The following SHROOM2 variants were observed in gnomAD, a reference collection of about 807,000 sequenced individuals.
The protein encoded by SHROOM2 is protein Shroom2.
In SHROOM2, 33 loss-of-function variants were observed where a neutral mutation model predicts 75.9. The ratio of observed to expected loss-of-function variants is 0.43; its 90% CI spans 0.33 to 0.58. SHROOM2 has a LOEUF of 0.58. SHROOM2 is among the 20% of genes least tolerant of loss of function. SHROOM2 has a pLI of 0.04. For synonymous variants in SHROOM2, 655 were observed against 663.6 expected, an observed-to-expected ratio of 0.99 and a Z score of 0.20; for missense variants, 1,434 against 1,461.2, an observed-to-expected ratio of 0.98 and a Z score of 0.30.
At position 9,900,491 on chromosome X, in the gene SHROOM2, A is replaced by C. The variant is rs1408013015; in HGVS notation, c.2891+2201A>C. On this transcript the variant is annotated intron_variant, in intron 5 of 9. Transcript: ENST00000380913. ...AAATCATATGAAGTGCTGCTCTGATAATCGATGCGTAGCAAAAAGTATGTA... is the reference window on the plus strand; with the variant it reads ...AAATCATATGAAGTGCTGCTCTGATCATCGATGCGTAGCAAAAAGTATGTA... 3.6e-5 allele frequency among the ~76,000 whole-genome samples: 4 copies of C among 112,412 alleles called. No homozygotes were observed. In the East Asian group the frequency reaches 1.1e-3, roughly 31 times the overall value.
chrX:9,946,080 G>T (rs1489650525), intron 9 of SHROOM2, among the ~76,000 whole-genome samples: 1 of 112,904 alleles, frequency 8.9e-6, no homozygotes, highest in Non-Finnish European at 1.9e-5. Context: ...AACTAGCTAG[G>T]TCAGGGTGGC....
intron 8 of SHROOM2, among the ~76,000 whole-genome samples, chrX:9,941,718 T>C (rs2084770456): frequency 1.8e-5 from 2 of 110,353 alleles, no homozygotes; most frequent in African/African-American, 3.3e-5. Flanking sequence ...ACGCTTGTAA[T>C]CCCAGCACTT....
chrX:9,867,709 A>G (rs777769241), intron 1 of SHROOM2, among the ~76,000 whole-genome samples: 3 of 111,787 alleles, frequency 2.7e-5, no homozygotes, highest in Admixed American at 9.5e-5. Context: ...TTTTCTGACT[A>G]CTTTTCCCCA....
rs1433464914 is a variant in SHROOM2 at position 9,873,793 on chromosome X, G to T, written c.307G>T (p.Val103Phe). Residue 103 changes from valine to phenylalanine, a missense_variant, in exon 2 of 10, where the codon GTC becomes TTC. Coordinates refer to ENST00000380913, the MANE Select transcript of SHROOM2 (RefSeq NM_001649.4). ...VKGSHKTLKL[V>F]VKRRSELGWR... The stretch of plus-strand genomic sequence containing the variant: ...GGGGTCCCATAAGACCCTGAAGCTG[G>T]TCGTCAAAAGGTAAGATCTGAGCTT... 1 of 1,211,106 alleles carries T rather than the reference G, an allele frequency of 8.3e-7. No individual in the cohort carries two copies. Among genetic ancestry groups the T allele is most frequent in the Admixed American group, 2.2e-5 (1 of 45,938 alleles).
chrX:9,794,683 T>C (rs1188655030), intron 1 of SHROOM2, among the ~76,000 whole-genome samples: 1 of 112,131 alleles, frequency 8.9e-6, no homozygotes, highest in South Asian at 3.7e-4. Context: ...AACTAGTTTT[T>C]CTTTAACTGA....
intron 1 of SHROOM2, among the ~76,000 whole-genome samples, chrX:9,802,151 T>C (rs1460408082): frequency 2.8e-5 from 3 of 108,653 alleles, no homozygotes; most frequent in Non-Finnish European, 1.9e-5. Flanking sequence ...CAGGCTGGAC[T>C]TGAGCTCCCG....
intron 1 of SHROOM2, among the ~76,000 whole-genome samples, chrX:9,837,001 C>T (rs1053461764): frequency 8.9e-6 from 1 of 112,260 alleles, no homozygotes. Context: ...TTTTTGACTC[C>T]GCATCATATT....
At position 9,803,295 on chromosome X, in the gene SHROOM2, A is replaced by G. The variant is rs372087758; in HGVS notation, c.165+16585A>G. Among the ~76,000 whole-genome samples, 185 of 111,373 alleles carry G rather than the reference A, an allele frequency of 1.7e-3. 5 individuals are homozygous for G. The South Asian group carries it at 0.067, about 40-fold the overall frequency. On this transcript the variant is annotated intron_variant, in intron 1 of 9. Transcript: ENST00000380913. Reference sequence around the variant, plus strand: ...CTTGCTAAACAAGACACTCAAGCCTATCTTACTGTGTAAGCCACATGAGCC... The same window carrying G: ...CTTGCTAAACAAGACACTCAAGCCTGTCTTACTGTGTAAGCCACATGAGCC...
intron 5 of SHROOM2, among the ~76,000 whole-genome samples, chrX:9,911,000 A>G (rs776503467): frequency 1.6e-4 from 18 of 110,851 alleles, no homozygotes; most frequent in Admixed American, 7.7e-4. Flanking sequence ...TAAAATATTT[A>G]ATCAGCCATC....
chrX:9,871,025 C>G (rs1374066339), intron 1 of SHROOM2, among the ~76,000 whole-genome samples: 2 of 111,177 alleles, frequency 1.8e-5, no homozygotes, highest in Non-Finnish European at 3.8e-5. Flanking sequence ...GTGGAATTCC[C>G]GACAGGCAAG....
intron 1 of SHROOM2, among the ~76,000 whole-genome samples, chrX:9,853,554 A>G (rs957367256): frequency 1.8e-5 from 2 of 111,470 alleles, no homozygotes; most frequent in Non-Finnish European, 3.8e-5. Context: ...CCTGACTTGC[A>G]GATGCATCAT....
chrX:9,828,224 G>A (rs754384400), intron 1 of SHROOM2, among the ~76,000 whole-genome samples: 2 of 112,109 alleles, frequency 1.8e-5, no homozygotes, highest in East Asian at 2.8e-4. Context: ...CACAAGAACT[G>A]CATGGCGGGG....
At chrX:9,935,369 G>C (rs1244124047) in intron 6 of SHROOM2, among the ~76,000 whole-genome samples, 1 of 108,252 alleles carries the variant, frequency 9.2e-6, no homozygotes, top group Admixed American at 1.0e-4. Context: ...GAGAGGTGGG[G>C]AGGTCTCACT....
intron 5 of SHROOM2, among the ~76,000 whole-genome samples, chrX:9,914,422 A>T (rs1258486184): frequency 9.2e-6 from 1 of 108,360 alleles, no homozygotes; most frequent in Non-Finnish European, 1.9e-5. Flanking sequence ...TTAATTTTTT[A>T]CCTCTCATAT....
chrX:9,788,934 C>G (rs2083632010), intron 1 of SHROOM2, among the ~76,000 whole-genome samples: 1 of 110,904 alleles, frequency 9.0e-6, no homozygotes, highest in African/African-American at 3.3e-5. Flanking sequence ...GGTTTTGAAT[C>G]TCTTTTGTTA....
At chrX:9,921,372 A>G (rs1238933354) in intron 5 of SHROOM2, among the ~76,000 whole-genome samples, 3 of 111,986 alleles carry the variant, frequency 2.7e-5, no homozygotes, top group Non-Finnish European at 3.8e-5. Flanking sequence ...GGAGATAAGT[A>G]TCTATAAGCC....
At chrX:9,902,538 T>C (rs750170423) in intron 5 of SHROOM2, among the ~76,000 whole-genome samples, 35 of 112,652 alleles carry the variant, frequency 3.1e-4, no homozygotes, top group African/African-American at 1.1e-3. Flanking sequence ...TTATTTAGAA[T>C]TTTAGTTTAC....
intron 1 of SHROOM2, among the ~76,000 whole-genome samples, chrX:9,848,261 T>C (rs1197877753): frequency 9.2e-6 from 1 of 108,428 alleles, no homozygotes; most frequent in Non-Finnish European, 1.9e-5. Flanking sequence ...TCCCAGCACT[T>C]TGGGAGGCCG....
intron 1 of SHROOM2, among the ~76,000 whole-genome samples, chrX:9,801,727 C>T (rs1158503796): frequency 9.0e-6 from 1 of 111,263 alleles, no homozygotes; most frequent in Non-Finnish European, 1.9e-5. Context: ...CCAAGGTGGG[C>T]CAATCGCTTG....
Sources: allele counts gnomAD v4.1 joint callset (sites outside exome capture counted in the v4.1 genomes callset), GRCh38; gene constraint gnomAD v4.1.1; transcripts MANE v1.5; gene names NCBI Gene and HGNC (gene_info 2026-07-23, HGNC 2026-07-21).